LIN52: variants seen among roughly 807,000 people sequenced by gnomAD.
LIN52 encodes lin-52 DREAM MuvB core complex component, also known as protein lin-52 homolog.
A neutral mutation model predicts 18.5 loss-of-function variants in LIN52; 4 were observed. That is an observed-to-expected ratio of 0.22 (90% CI 0.11 to 0.49). The LOEUF is 0.49. LIN52 is among the 20% of genes least tolerant of loss of function. The pLI, the probability that LIN52 is intolerant of heterozygous loss-of-function variation, is 0.97. For missense variants in LIN52, 102 were observed against 139.5 expected (o/e 0.73, Z 1.35); for synonymous variants, 34 against 45.5 (o/e 0.75, Z 1.02).
At chr14:74,105,445 C>T (rs990579287) in intron 5 of LIN52, among the ~76,000 whole-genome samples, 1 of 152,094 alleles carries the variant, frequency 6.6e-6, no homozygotes, top group Admixed American at 6.6e-5. Context: ...TTTCCTTGAC[C>T]ATCGTGAATT....
At chr14:74,192,580 GC>G in intron 5 of LIN52, 1 of 197,644 alleles carries the variant, frequency 5.1e-6, no homozygotes, top group Non-Finnish European at 1.0e-5. Context: ...GAGCCACCAT[GC>G]CCAGCCAACA....
chr14:74,168,822 G>C (rs967100951), intron 5 of LIN52, among the ~76,000 whole-genome samples: 2 of 152,186 alleles, frequency 1.3e-5, no homozygotes, highest in African/African-American at 4.8e-5. Flanking sequence ...CCAAAACTTT[G>C]GGAGGCTGAG....
intron 5 of LIN52, among the ~76,000 whole-genome samples, chr14:74,146,410 G>T (rs1483239764): frequency 2.0e-5 from 3 of 152,064 alleles, no homozygotes; most frequent in African/African-American, 7.2e-5. Context: ...TCGTAGCCAT[G>T]GTGGGATGCA....
At chr14:74,124,553 G>A (rs1399508473) in intron 5 of LIN52, among the ~76,000 whole-genome samples, 3 of 152,088 alleles carry the variant, frequency 2.0e-5, no homozygotes, top group Non-Finnish European at 4.4e-5. Context: ...GCTCATGCCT[G>A]TAACCCTAGC....
At chr14:74,158,132 TGAGA>T (rs2061208242) in intron 5 of LIN52, among the ~76,000 whole-genome samples, 7 of 150,596 alleles carry the variant, frequency 4.6e-5, no homozygotes, top group Admixed American at 3.3e-4. Context: ...TATATTTTTT[TGAGA>T]TAGAGTCTCC....
At chr14:74,119,338 G>A (rs1179104077) in intron 5 of LIN52, among the ~76,000 whole-genome samples, 3 of 151,090 alleles carry the variant, frequency 2.0e-5, no homozygotes. Context: ...AATTTTTTTT[G>A]TATTTTTAGT....
intron 5 of LIN52, among the ~76,000 whole-genome samples, chr14:74,193,545 T>C (rs2078893516): frequency 6.6e-6 from 1 of 152,238 alleles, no homozygotes; most frequent in East Asian, 1.9e-4. Flanking sequence ...AATATGTCTT[T>C]AAGTAGGGAT....
intron 5 of LIN52, among the ~76,000 whole-genome samples, chr14:74,137,498 C>CTCTTTTTTTTTTT (rs776969152): frequency 3.6e-5 from 4 of 111,604 alleles, no homozygotes; most frequent in African/African-American, 1.1e-4. Context: ...CAGCAGCTCT[C>CTCTTTTTTTTTTT]TTTTTTTTTT....
intron 5 of LIN52, among the ~76,000 whole-genome samples, chr14:74,170,204 C>T (rs1381638310): frequency 6.6e-6 from 1 of 152,164 alleles, no homozygotes; most frequent in African/African-American, 2.4e-5. Context: ...CCATGAGAGC[C>T]AGGACCTCAC....
chr14:74,175,020 A>AAGTAATAATAATAATAAT (rs2061286306), intron 5 of LIN52, among the ~76,000 whole-genome samples: 1 of 140,946 alleles, frequency 7.1e-6, no homozygotes, highest in Non-Finnish European at 1.5e-5. Context: ...GACTCAAAGA[A>AAGTAATAATAATAATAAT]AATAATAATA....
At chr14:74,105,150 A>G (rs906851208) in intron 5 of LIN52, among the ~76,000 whole-genome samples, 3 of 152,180 alleles carry the variant, frequency 2.0e-5, no homozygotes, top group Non-Finnish European at 4.4e-5. Context: ...ATGACTTTCA[A>G]TGGAATCAAA....
chr14:74,085,143 T>A, intron 1 of LIN52, 150 bp downstream of exon 1: 1 of 684,954 alleles, frequency 1.5e-6, no homozygotes, highest in Non-Finnish European at 2.1e-6. Flanking sequence ...ATCGCCGTCT[T>A]CAGCTCACCG....
At chr14:74,198,147 G>A (rs369134796) in intron 5 of LIN52, among the ~76,000 whole-genome samples, 11 of 152,314 alleles carry the variant, frequency 7.2e-5, no homozygotes, top group South Asian at 2.1e-4. Flanking sequence ...GTTACACTAC[G>A]TATGCTTTCT....
At chr14:74,103,473 C>T (rs904376238) in intron 5 of LIN52, among the ~76,000 whole-genome samples, 1 of 144,014 alleles carries the variant, frequency 6.9e-6, no homozygotes, top group Non-Finnish European at 1.5e-5. Context: ...GCTCTTGTTG[C>T]CCAGGCTGGA....
intron 4 of LIN52, among the ~76,000 whole-genome samples, chr14:74,100,307 T>A (rs2060844321): frequency 6.6e-6 from 1 of 152,072 alleles, no homozygotes; most frequent in Non-Finnish European, 1.5e-5. Context: ...TACTTTATTA[T>A]TTTTTTCTTT....
chr14:74,187,124 T>C (rs988042843), intron 5 of LIN52, among the ~76,000 whole-genome samples: 3 of 152,148 alleles, frequency 2.0e-5, no homozygotes, highest in African/African-American at 7.2e-5. Flanking sequence ...ATACATTATC[T>C]TATTTAATCT....
At chr14:74,124,820 A>AAAAAAAAG (rs2061019690) in intron 5 of LIN52, among the ~76,000 whole-genome samples, 1 of 150,898 alleles carries the variant, frequency 6.6e-6, no homozygotes, top group East Asian at 1.9e-4. Flanking sequence ...CAAAAAAAAA[A>AAAAAAAAG]AAAAAAAAAA....
chr14:74,128,061 T>C (rs1316586514), intron 5 of LIN52, among the ~76,000 whole-genome samples: 1 of 152,198 alleles, frequency 6.6e-6, no homozygotes, highest in East Asian at 1.9e-4. Flanking sequence ...ACAGTTTTTT[T>C]AAATGGAAAA....
At chr14:74,107,228 G>A (rs1159105807) in intron 5 of LIN52, among the ~76,000 whole-genome samples, 2 of 152,180 alleles carry the variant, frequency 1.3e-5, no homozygotes, top group African/African-American at 4.8e-5. Flanking sequence ...GAAACTTGTT[G>A]ATGATCGCTT....
Sources: allele counts gnomAD v4.1 joint callset (sites outside exome capture counted in the v4.1 genomes callset), GRCh38; gene constraint gnomAD v4.1.1; transcripts MANE v1.5; gene names NCBI Gene and HGNC (gene_info 2026-07-23, HGNC 2026-07-21).